Variants in CENPP observed in about 807,000 individuals in gnomAD.
CENPP encodes the protein centromere protein P.
CENPP carries 24 observed loss-of-function variants against 35.6 expected under a neutral mutation model. The ratio of observed to expected loss-of-function variants is 0.67; its 90% CI spans 0.49 to 0.95. CENPP has a LOEUF of 0.95. Among genes scored for constraint, CENPP ranks in the 40% least tolerant of loss-of-function variants. The pLI, the probability that CENPP is intolerant of heterozygous loss-of-function variation, is 0.00. For missense variants in CENPP, 332 were observed against 345.3 expected (o/e 0.96, Z 0.31); for synonymous variants, 120 against 125.5 (o/e 0.96, Z 0.29).
Position 92,619,593 on chromosome 9 carries a change from G to A in CENPP, c.*6444G>A, listed in dbSNP as rs1453718452. 4 of 1,552,498 alleles carry A rather than the reference G, an allele frequency of 2.6e-6. No individual in the cohort carries two copies. The highest frequency in any genetic ancestry group is 2.7e-5 in the African/African-American group (2 of 73,814). Reference sequence around the variant, plus strand: ...GCAGGGGCGGGAAAGATCAGCTCCAGGTCACACAGGAAGCCTCTGCCCCCC... The same window carrying A: ...GCAGGGGCGGGAAAGATCAGCTCCAAGTCACACAGGAAGCCTCTGCCCCCC... On this transcript the variant is annotated 3_prime_UTR_variant, in exon 8 of 8. Transcript: ENST00000375587.
At chr9:92,525,201 C>G (rs570738429) in intron 5 of CENPP, among the ~76,000 whole-genome samples, 2 of 152,216 alleles carry the variant, frequency 1.3e-5, no homozygotes, top group East Asian at 3.9e-4. Context: ...ACCTGTAGTC[C>G]TAGCTACTCA....
intron 5 of CENPP, among the ~76,000 whole-genome samples, chr9:92,578,340 G>C (rs1277962372): frequency 6.6e-6 from 1 of 152,104 alleles, no homozygotes; most frequent in Non-Finnish European, 1.5e-5. Flanking sequence ...GGGTCTAATG[G>C]TATTTCTAGT....
chr9:92,618,641 A>AT lies in CENPP; in HGVS notation c.*5493dup, dbSNP rs1342305118. 4.5e-6 allele frequency: 2 copies of AT among 444,156 alleles called. No homozygotes were observed. The highest frequency in any genetic ancestry group is 4.0e-5 in the African/African-American group (2 of 49,636). The allele number at this position is 444,156 out of a possible 1,614,324, so 27.5% of individuals were successfully genotyped here. On this transcript the variant is annotated 3_prime_UTR_variant, in exon 8 of 8. Transcript: ENST00000375587. ...AGCCCTGTAGGTATTTCCTTAGGGG[A>AT]TAACAGGAGTTTTCAACTAAATAGA...
chr9:92,544,234 G>C (rs1033277285), intron 5 of CENPP, among the ~76,000 whole-genome samples: 2 of 152,242 alleles, frequency 1.3e-5, no homozygotes, highest in African/African-American at 4.8e-5. Context: ...CCAGCACTTT[G>C]GGAGGCTGAG....
chr9:92,344,455 G>T (rs575441070), intron 3 of CENPP, among the ~76,000 whole-genome samples: 1 of 152,118 alleles, frequency 6.6e-6, no homozygotes, highest in South Asian at 2.1e-4. Context: ...TAACTTACCA[G>T]TTTAAAGTGT....
At chr9:92,403,300 A>G in intron 5 of CENPP, 1 of 1,612,260 alleles carries the variant, frequency 6.2e-7, no homozygotes, top group Non-Finnish European at 8.5e-7. Context: ...CTTCAAAATT[A>G]TCTGTTCCAT....
intron 5 of CENPP, among the ~76,000 whole-genome samples, chr9:92,445,416 G>A (rs546312369): frequency 7.9e-5 from 12 of 152,046 alleles, no homozygotes; most frequent in Non-Finnish European, 1.6e-4. Context: ...TCCTGATGTC[G>A]TGGTCCCTCC....
intron 5 of CENPP, among the ~76,000 whole-genome samples, chr9:92,571,712 T>C (rs1850144395): frequency 1.3e-5 from 2 of 152,028 alleles, no homozygotes; most frequent in Admixed American, 1.3e-4. Context: ...TCTGTGGGAG[T>C]CTAAGTCTCT....
At chr9:92,400,139 T>C (rs1843048477) in intron 5 of CENPP, among the ~76,000 whole-genome samples, 1 of 152,096 alleles carries the variant, frequency 6.6e-6, no homozygotes, top group Non-Finnish European at 1.5e-5. Context: ...GGGATGTCTT[T>C]TGTTTTTTGT....
At chr9:92,524,711 T>C (rs1848287343) in intron 5 of CENPP, among the ~76,000 whole-genome samples, 1 of 152,192 alleles carries the variant, frequency 6.6e-6, no homozygotes, top group South Asian at 2.1e-4. Flanking sequence ...ACCCCAGGGA[T>C]CATAAGAACC....
chr9:92,421,700 T>C lies in CENPP; in HGVS notation c.564+41841T>C, dbSNP rs368790557. Among the ~76,000 whole-genome samples, 5 of 152,288 alleles carry C rather than the reference T, an allele frequency of 3.3e-5. No individual in the cohort carries two copies. The East Asian group carries it at 5.8e-4, about 18-fold the overall frequency. ...TACCGTTGTCCTGAATTATTTCTAG[T>C]GATGAGGCACTATGCTAAGTTGGTG... is the stretch of plus-strand genomic sequence containing the variant. On this transcript the variant is annotated intron_variant, in intron 5 of 7. Coordinates refer to ENST00000375587, the MANE Select transcript of CENPP (RefSeq NM_001012267.3).
At chr9:92,494,048 GCTTA>G (rs756426078) in intron 5 of CENPP, 9 of 1,592,972 alleles carry the variant, frequency 5.6e-6, no homozygotes, top group South Asian at 4.4e-5. Flanking sequence ...GCACTTGCCT[GCTTA>G]CTTGTCTGTT....
At chr9:92,562,014 A>G (rs1203410666) in intron 5 of CENPP, among the ~76,000 whole-genome samples, 3 of 152,310 alleles carry the variant, frequency 2.0e-5, no homozygotes, top group East Asian at 3.9e-4. Flanking sequence ...TTCCTCCACA[A>G]CAGACACTGA....
chr9:92,540,164 C>T lies in CENPP; in HGVS notation c.565-71150C>T, dbSNP rs913798225. On this transcript the variant is annotated intron_variant, in intron 5 of 7. Transcript: ENST00000375587. Reference sequence around the variant, plus strand: ...TAAGAAAGAAATGAGATCAGCCGGGCGCGGTGCCTCATGCCTGTAATCCCT... The same window carrying T: ...TAAGAAAGAAATGAGATCAGCCGGGTGCGGTGCCTCATGCCTGTAATCCCT... Among the ~76,000 whole-genome samples the T allele has an allele frequency of 5.9e-5, 9 of 152,328 alleles. No individual in the cohort carries two copies. In the East Asian group the frequency reaches 7.7e-4, roughly 13 times the overall value.
intron 5 of CENPP, among the ~76,000 whole-genome samples, chr9:92,392,362 G>C (rs567165489): frequency 6.6e-6 from 1 of 152,170 alleles, no homozygotes; most frequent in Non-Finnish European, 1.5e-5. Context: ...GGTGGCTCAC[G>C]CCTGTATTCC....
chr9:92,514,450 T>C (rs572738561), intron 5 of CENPP, among the ~76,000 whole-genome samples: 38 of 152,138 alleles, frequency 2.5e-4, no homozygotes, highest in Non-Finnish European at 5.1e-4. Flanking sequence ...AATTTTTGTA[T>C]TTTTGGTAGA....
At chr9:92,326,820 A>G (rs933702008) in intron 1 of CENPP, among the ~76,000 whole-genome samples, 2 of 152,256 alleles carry the variant, frequency 1.3e-5, no homozygotes, top group African/African-American at 4.8e-5. Context: ...AAGCCTCTCG[A>G]AAACATAAAC....
At chr9:92,522,924 G>T (rs113848116) in intron 5 of CENPP, 75,506 of 1,515,854 alleles carry the variant, frequency 0.05, 2,212 homozygotes, top group South Asian at 0.083. Flanking sequence ...AAAGTTAGTG[G>T]TGACTAAATT....
intron 5 of CENPP, among the ~76,000 whole-genome samples, chr9:92,603,887 G>C (rs1850998265): frequency 6.6e-6 from 1 of 152,180 alleles, no homozygotes; most frequent in South Asian, 2.1e-4. Context: ...CTGGGGACCA[G>C]TCTGTGTGTT....
Sources: allele counts gnomAD v4.1 joint callset (sites outside exome capture counted in the v4.1 genomes callset), GRCh38; gene constraint gnomAD v4.1.1; transcripts MANE v1.5; gene names NCBI Gene and HGNC (gene_info 2026-07-23, HGNC 2026-07-21).